Variants in TUBGCP3 observed in about 807,000 individuals in gnomAD.
The protein encoded by TUBGCP3 is tubulin gamma complex component 3.
Under a neutral mutation model 123.1 loss-of-function variants are expected in TUBGCP3, and 50 were observed. The ratio of observed to expected loss-of-function variants is 0.41; its 90% CI spans 0.32 to 0.51. The LOEUF is 0.51. Ranked by LOEUF, TUBGCP3 falls within the 20% of genes least tolerant of loss-of-function variation. The probability of loss-of-function intolerance (pLI) is 0.36; values close to 1 mark genes in which losing one functional copy is unlikely to be tolerated. For missense variants in TUBGCP3, 882 were observed against 1,127.0 expected (o/e 0.78, Z 3.11); for synonymous variants, 405 against 413.9 (o/e 0.98, Z 0.26).
chr13:112,601,637 A>G, the TUBGCP3 span, among the ~76,000 whole-genome samples: 1 of 152,180 alleles, frequency 6.6e-6, no homozygotes, highest in African/African-American at 2.4e-5. Context: ...GGTTGAAGGT[A>G]GCAGTTGGGC....
At chr13:112,577,747 A>G (rs995237022) in intron 1 of TUBGCP3, among the ~76,000 whole-genome samples, 39 of 152,346 alleles carry the variant, frequency 2.6e-4, no homozygotes, top group African/African-American at 9.4e-4. Flanking sequence ...TCATTCTAAA[A>G]TAAAACATTT....
chr13:112,601,995 C>T, the TUBGCP3 span, among the ~76,000 whole-genome samples: 1 of 152,168 alleles, frequency 6.6e-6, no homozygotes, highest in African/African-American at 2.4e-5. Context: ...GCAGTTATAT[C>T]TCCAATCCTC....
At chr13:112,553,987 A>G (rs535143244) in intron 8 of TUBGCP3, 70 bp downstream of exon 8, 3 of 1,563,406 alleles carry the variant, frequency 1.9e-6, no homozygotes, top group Admixed American at 2.1e-5. Flanking sequence ...ATTTCACAGT[A>G]AGATTTCAAC....
chr13:112,580,051 T>G (rs1882171613), intron 1 of TUBGCP3, among the ~76,000 whole-genome samples: 1 of 152,210 alleles, frequency 6.6e-6, no homozygotes, highest in Non-Finnish European at 1.5e-5. Context: ...CGCGTTATAC[T>G]AAGTGAAAGA....
rs188872558 is a variant in TUBGCP3, at chr13:112,559,197, A to C, written c.330+125T>G. 2.1e-3 allele frequency: 1,471 copies of C among 694,436 alleles called. 8 individuals carry two copies. The highest frequency in any genetic ancestry group is 1.7e-3 in the Non-Finnish European group (712 of 427,524). 43.0% of individuals were successfully genotyped at this position (694,436 alleles called of 1,614,324 possible). The stretch of plus-strand genomic sequence containing the variant: ...AAGAAAAAGGAAAAGAAATCTCTTG[A>C]CCTTCCATGACAGACAAGCTTGTTG... On this transcript the variant is annotated intron_variant, in intron 4 of 21. Transcript: ENST00000261965.
rs1368622323 is a variant in TUBGCP3 at position 112,508,936 on chromosome 13, C to T, written c.2087-4222G>A. Among the ~76,000 whole-genome samples, 1 of 152,186 alleles carries T rather than the reference C, an allele frequency of 6.6e-6. No individual in the cohort carries two copies. Among genetic ancestry groups the T allele is most frequent in the Admixed American group, 6.5e-5 (1 of 15,292 alleles). Reference sequence around the variant, plus strand: ...CGGCTGCTGTAACCATAAAGGCCAACGTCACCGCACACGGATTATTACAAC... The same window carrying T: ...CGGCTGCTGTAACCATAAAGGCCAATGTCACCGCACACGGATTATTACAAC... On this transcript the variant is annotated intron_variant, in intron 17 of 21. Transcript: ENST00000261965. This position sits in a 1 kb window ranked among gnomAD's most constrained non-coding sequence, Gnocchi z 4.2.
chr13:112,588,238 A>T, upstream of TUBGCP3: 1 of 341,318 alleles, frequency 2.9e-6, no homozygotes, highest in Non-Finnish European at 5.3e-6. Flanking sequence ...TGTCTGGTGC[A>T]TTCCCCCTGC....
At chr13:112,523,424 T>A (rs1476988052) in intron 13 of TUBGCP3, among the ~76,000 whole-genome samples, 1 of 152,202 alleles carries the variant, frequency 6.6e-6, no homozygotes, top group Non-Finnish European at 1.5e-5. Context: ...TATTTTAGTG[T>A]TGCTATTATT....
chr13:112,600,807 A>G, the TUBGCP3 span, among the ~76,000 whole-genome samples: 3 of 152,076 alleles, frequency 2.0e-5, no homozygotes, highest in Non-Finnish European at 2.9e-5. Flanking sequence ...CTTATAACTC[A>G]GGTCTATAGT....
chr13:112,529,707 A>T (rs1268229757), intron 11 of TUBGCP3, among the ~76,000 whole-genome samples: 1 of 152,204 alleles, frequency 6.6e-6, no homozygotes, highest in East Asian at 1.9e-4. Context: ...TGAGGGAGAA[A>T]TGGTACCGGG....
intron 2 of TUBGCP3, among the ~76,000 whole-genome samples, chr13:112,566,149 A>G (rs1041599241): frequency 3.3e-5 from 5 of 152,214 alleles, no homozygotes; most frequent in Non-Finnish European, 5.9e-5. Flanking sequence ...CTGTTCCATG[A>G]AGGAGGAGAA....
chr13:112,574,589 A>C (rs1318623739), intron 1 of TUBGCP3, among the ~76,000 whole-genome samples: 1 of 152,262 alleles, frequency 6.6e-6, no homozygotes, highest in Non-Finnish European at 1.5e-5. Flanking sequence ...GATGTAAAGA[A>C]AACAAACAGG....
chr13:112,548,650 A>G (rs555350395), intron 8 of TUBGCP3, among the ~76,000 whole-genome samples: 32 of 152,326 alleles, frequency 2.1e-4, no homozygotes, highest in African/African-American at 7.2e-4. Flanking sequence ...AAAAAATCAA[A>G]CAATCCCATC....
At chr13:112,560,237 C>A (rs1000005414) in intron 3 of TUBGCP3, among the ~76,000 whole-genome samples, 1 of 151,208 alleles carries the variant, frequency 6.6e-6, no homozygotes, top group Non-Finnish European at 1.5e-5. Flanking sequence ...GAGACCATCC[C>A]GGCTAAAACG....
intron 19 of TUBGCP3, among the ~76,000 whole-genome samples, chr13:112,499,635 A>G: frequency 6.6e-6 from 1 of 152,318 alleles, no homozygotes; most frequent in Non-Finnish European, 1.5e-5. Context: ...AAAATATGAG[A>G]AAGGAAATAC....
chr13:112,525,609 C>G (rs1331489435), intron 13 of TUBGCP3, among the ~76,000 whole-genome samples: 3 of 152,108 alleles, frequency 2.0e-5, no homozygotes, highest in African/African-American at 7.2e-5. Flanking sequence ...TAGCCATACA[C>G]AAAACATCAT....
chr13:112,551,112 C>A (rs1206191904), intron 8 of TUBGCP3, among the ~76,000 whole-genome samples: 5 of 151,254 alleles, frequency 3.3e-5, no homozygotes, highest in Non-Finnish European at 7.4e-5. Flanking sequence ...AAAAAAAAAA[C>A]AAAAACAAAA....
At chr13:112,595,872 TTCTC>T in the TUBGCP3 span, among the ~76,000 whole-genome samples, 4 of 152,196 alleles carry the variant, frequency 2.6e-5, no homozygotes, top group African/African-American at 4.8e-5. Context: ...TGTTTTCCAT[TTCTC>T]TCTTTTTTGT....
At chr13:112,489,782 G>A in intron 20 of TUBGCP3, 85 bp from the exon 21 acceptor site, 1 of 1,113,012 alleles carries the variant, frequency 9.0e-7, no homozygotes, top group South Asian at 1.3e-5. Flanking sequence ...TATGTGAGGA[G>A]CAGGAGGTGT....
Sources: gnomAD v4.1 joint callset for allele counts (sites outside exome capture counted in the v4.1 genomes callset) on GRCh38, gnomAD v4.1.1 for gene constraint, Gnocchi (gnomAD v3.1) non-coding constraint, MANE v1.5 for transcripts, NCBI Gene and HGNC (gene_info 2026-07-23, HGNC 2026-07-21) for gene names.